CILP2: variants seen among roughly 807,000 people sequenced by gnomAD.
CILP2 encodes the protein CILP-2.
A neutral mutation model predicts 45.6 loss-of-function variants in CILP2; 38 were observed. That is an observed-to-expected ratio of 0.83 (90% CI 0.64 to 1.09). CILP2 has a LOEUF of 1.09. Ranked by LOEUF, CILP2 falls within the 50% of genes least tolerant of loss-of-function variation. CILP2 has a pLI of 0.00. For missense variants in CILP2, 1,735 were observed against 1,662.2 expected, an observed-to-expected ratio of 1.04 and a Z score of -0.76; for synonymous variants, 780 against 723.5, an observed-to-expected ratio of 1.08 and a Z score of -1.25.
chr19:19,540,631 G>A, intron 3 of CILP2, 155 bp downstream of exon 3: 1 of 878,134 alleles, frequency 1.1e-6, no homozygotes, highest in South Asian at 2.4e-5. Context: ...GTAGGACGAC[G>A]TCAGGGGGCG....
In CILP2 at chr19:19,545,116, CGG is replaced by C; in HGVS notation, c.2572_2573del (p.Gly858LeufsTer12). 2 of 1,611,990 alleles carry C rather than the reference CGG, an allele frequency of 1.2e-6. No homozygotes were observed. Among genetic ancestry groups the C allele is most frequent in the South Asian group, 2.2e-5 (2 of 91,014 alleles). ...DHDDPAFKRN[G>X]FRINLAKPRP... ...ACGACGATCCCGCCTTCAAGCGTAACGGCTTCCGCATCAACCTCGCCAAGCCC... is the reference window on the plus strand; with the variant it reads ...ACGACGATCCCGCCTTCAAGCGTAACCTTCCGCATCAACCTCGCCAAGCCC... On this transcript the variant is annotated frameshift_variant, in exon 8 of 8. Coordinates refer to ENST00000291495, the MANE Select transcript of CILP2 (RefSeq NM_153221.2). LOFTEE classifies it low-confidence loss of function (END_TRUNC).
At chr19:19,540,145 A>T in intron 2 of CILP2, 59 bp from the exon 3 acceptor site, 3 of 1,469,936 alleles carry the variant, frequency 2.0e-6, no homozygotes, top group Non-Finnish European at 2.7e-6. Flanking sequence ...AGGCCTTTGC[A>T]CGCATGCATG....
rs759288774 is a variant in CILP2 at position 19,544,395 on chromosome 19, C to T, written c.1850C>T (p.Ser617Leu). ...VTFVDPRDLT[S>L]AASAPSDLRF... is the part of the protein sequence containing the mutation. ...TTCGTGGACCCCCGAGACCTCACCT[C>T]GGCGGCGTCTGCCCCCAGTGACCTG... is the stretch of plus-strand genomic sequence containing the variant. The change falls in exon 8 of 8, where the codon TCG (serine) becomes TTG (leucine). Residue 617 changes from serine to leucine, a missense_variant. Physicochemically the swap from Ser to Leu is moderately radical, Grantham distance 145. Transcript: ENST00000291495. 21 of 1,610,222 alleles carry T rather than the reference C, an allele frequency of 1.3e-5. No homozygotes were observed. In the East Asian group the frequency reaches 4.0e-4, roughly 31 times the overall value.
chr19:19,544,243 G>A lies in CILP2; in HGVS notation c.1698G>A (p.Gln566=). Residue 566 remains glutamine (Q), a synonymous_variant, in exon 8 of 8, where the codon CAG becomes CAA. Coordinates refer to ENST00000291495, the MANE Select transcript of CILP2 (RefSeq NM_153221.2). ...KKAPVILHTS[Q]SNTIPLGELE... ...CCCCGGTCATTTTACATACCAGCCA[G>A]AGCAACACGATCCCCCTGGGCGAGC... The A allele has an allele frequency of 6.2e-7, 1 of 1,613,866 alleles. No homozygotes were observed. The highest frequency in any genetic ancestry group is 1.3e-5 in the African/African-American group (1 of 75,060).
Position 19,538,334 on chromosome 19 carries a change from A to G in CILP2, c.-16A>G, listed in dbSNP as rs1376608897. ...CCGCGGAGCCCGGACCCTCCCTCGG[A>G]CGCTCTGCCCCGGCCATGGCGTCGC... is the stretch of plus-strand genomic sequence containing the variant. On this transcript the variant is annotated 5_prime_UTR_variant, in exon 1 of 8. Transcript: ENST00000291495. 4.4e-6 allele frequency: 7 copies of G among 1,575,088 alleles called. No individual in the cohort carries two copies. Among genetic ancestry groups the G allele is most frequent in the Non-Finnish European group, 5.1e-6 (6 of 1,169,314 alleles).
chr19:19,540,243 C>T lies in CILP2; in HGVS notation c.203C>T (p.Pro68Leu), dbSNP rs757221341. ...EWTSWFNVDHPGGDGDFESLA... is the reference protein window; with the variant it reads ...EWTSWFNVDHLGGDGDFESLA... ...ACGTCCTGGTTCAACGTGGACCACC[C>T]CGGAGGCGACGGCGACTTCGAGAGC... Residue 68 changes from proline (P) to leucine (L), a missense_variant, in exon 3 of 8, where the codon CCC becomes CTC. Physicochemically the swap from Pro to Leu is moderately conservative, Grantham distance 98. Transcript: ENST00000291495. 6.2e-7 allele frequency: 1 copy of T among 1,603,236 alleles called. No homozygotes were observed. The highest frequency in any genetic ancestry group is 8.5e-7 in the Non-Finnish European group (1 of 1,177,532).
Position 19,545,833 on chromosome 19 carries a change from C to A in CILP2, c.3288C>A (p.Ala1096=). The change falls in exon 8 of 8, where the codon GCC becomes GCA. Residue 1096 remains alanine, a synonymous_variant. Coordinates refer to ENST00000291495, the MANE Select transcript of CILP2 (RefSeq NM_153221.2). The part of the protein sequence containing the change: ...DGFSREMKAD[A]GTAVTFQCRE... ...TCTCCAGAGAGATGAAGGCTGATGC[C>A]GGCACAGCCGTCACCTTCCAGTGCC... is the stretch of plus-strand genomic sequence containing the variant. 1 of 1,584,058 alleles carries A rather than the reference C, an allele frequency of 6.3e-7. No homozygotes were observed. The highest frequency in any genetic ancestry group is 8.6e-7 in the Non-Finnish European group (1 of 1,159,776).
Position 19,543,729 on chromosome 19 carries a change from A to T in CILP2, c.1184A>T (p.Lys395Met). The change falls in exon 8 of 8, where the codon AAG (lysine) becomes ATG (methionine). Residue 395 changes from lysine (K) to methionine (M), a missense_variant. Coordinates refer to ENST00000291495, the MANE Select transcript of CILP2 (RefSeq NM_153221.2). ...CCCCGGCCCCGAGAGTACCTGATCA[A>T]GCTCCCTGAGGACTGTGGTCAGCCA... Reference protein sequence around the residue: ...CDPRPREYLIKLPEDCGQPGS... With the variant: ...CDPRPREYLIMLPEDCGQPGS... 6.2e-7 allele frequency: 1 copy of T among 1,609,938 alleles called. No individual in the cohort carries two copies. The highest frequency in any genetic ancestry group is 8.5e-7 in the Non-Finnish European group (1 of 1,177,284).
In CILP2 at chr19:19,545,214, C is replaced by A; in HGVS notation, c.2669C>A (p.Ala890Asp). The change falls in exon 8 of 8, where the codon GCC becomes GAC. Residue 890 changes from alanine (A) to aspartate (D), a missense_variant. Physicochemically the swap from Ala to Asp is moderately radical, Grantham distance 126. Coordinates refer to ENST00000291495, the MANE Select transcript of CILP2 (RefSeq NM_153221.2). ...CGCAGCCTGCGGGAATGCCAGGGGG[C>A]CCCGGTGACTGCCAGCCACTTCCGC... ...PWRSLRECQG[A>D]PVTASHFRFA... 6.2e-7 allele frequency: 1 copy of A among 1,612,302 alleles called. No homozygotes were observed. The highest frequency in any genetic ancestry group is 8.5e-7 in the Non-Finnish European group (1 of 1,179,590).
intron 7 of CILP2, 129 bp downstream of exon 7, chr19:19,543,534 T>G: frequency 7.4e-7 from 1 of 1,360,086 alleles, no homozygotes; most frequent in Non-Finnish European, 1.0e-6. Flanking sequence ...TGAGCCCCCA[T>G]ACCACTCTGA....
At position 19,538,416 on chromosome 19, in the gene CILP2, G is replaced by A. The variant is rs1401120012; in HGVS notation, c.64+3G>A. The A allele has an allele frequency of 9.1e-6, 14 of 1,544,070 alleles. No individual in the cohort carries two copies. The highest frequency in any genetic ancestry group is 2.8e-5 in the African/African-American group (2 of 70,318). On this transcript the variant is annotated splice_donor_region_variant and intron_variant, in intron 1 of 7. Coordinates refer to ENST00000291495, the MANE Select transcript of CILP2 (RefSeq NM_153221.2). ...TGCGCACCTGGCGGGGGCCCGAGGTGAGGCGCCTCCAGCCCCCGCGCCCAG... is the reference window on the plus strand; with the variant it reads ...TGCGCACCTGGCGGGGGCCCGAGGTAAGGCGCCTCCAGCCCCCGCGCCCAG...
intron 2 of CILP2, 157 bp from the exon 3 acceptor site, chr19:19,540,047 C>A: frequency 9.4e-7 from 1 of 1,058,730 alleles, no homozygotes; most frequent in Non-Finnish European, 1.3e-6. Flanking sequence ...CCCAGTCTGC[C>A]CTGCACCTGT....
At position 19,542,356 on chromosome 19, in the gene CILP2, C is replaced by T. The variant is rs1381000232; in HGVS notation, c.593-19C>T. On this transcript the variant is annotated intron_variant, in intron 4 of 7. Coordinates refer to ENST00000291495, the MANE Select transcript of CILP2 (RefSeq NM_153221.2). Reference sequence around the variant, plus strand: ...GTGTGAAGGTTTCTCTGTCCTGCTTCCTCTCCATATCCCCCCAGGGTGCAG... The same window carrying T: ...GTGTGAAGGTTTCTCTGTCCTGCTTTCTCTCCATATCCCCCCAGGGTGCAG... 2 of 1,598,274 alleles carry T rather than the reference C, an allele frequency of 1.3e-6. No individual in the cohort carries two copies. Among genetic ancestry groups the T allele is most frequent in the Admixed American group, 1.7e-5 (1 of 59,064 alleles).
chr19:19,541,106 C>T lies in CILP2; in HGVS notation c.452C>T (p.Ala151Val). 1 of 1,260,566 alleles carries T rather than the reference C, an allele frequency of 7.9e-7. No homozygotes were observed. The highest frequency in any genetic ancestry group is 1.0e-6 in the Non-Finnish European group (1 of 1,002,640). 78.1% of individuals were successfully genotyped at this position (1,260,566 alleles called of 1,614,324 possible). A position where few individuals can be genotyped will look rare whatever the true frequency, so the allele number is the denominator to read the frequency against. The change falls in exon 4 of 8, where the codon GCG becomes GTG. Residue 151 changes from alanine (A) to valine (V), a missense_variant. Physicochemically the swap from Ala to Val is moderately conservative, Grantham distance 64. Transcript: ENST00000291495. ...FRCPLEASWG[A>V]WGPWGPCSGS... is the part of the protein sequence containing the mutation. ...CCTTCCGCAGAAGCCTCGTGGGGCGCGTGGGGCCCGTGGGGTCCCTGCTCG... is the reference window on the plus strand; with the variant it reads ...CCTTCCGCAGAAGCCTCGTGGGGCGTGTGGGGCCCGTGGGGTCCCTGCTCG...
chr19:19,544,373 G>A lies in CILP2; in HGVS notation c.1828G>A (p.Val610Met), dbSNP rs1405578771. The change falls in exon 8 of 8, where the codon GTG (valine) becomes ATG (methionine). Residue 610 changes from valine to methionine, a missense_variant. Coordinates refer to ENST00000291495, the MANE Select transcript of CILP2 (RefSeq NM_153221.2). ...GCCTGTGGAGGCCCGGGTGACGTTCGTGGACCCCCGAGACCTCACCTCGGC... is the reference window on the plus strand; with the variant it reads ...GCCTGTGGAGGCCCGGGTGACGTTCATGGACCCCCGAGACCTCACCTCGGC... ...SGPVEARVTF[V>M]DPRDLTSAAS... 1.9e-6 allele frequency: 3 copies of A among 1,609,696 alleles called. No individual in the cohort carries two copies. Among genetic ancestry groups the A allele is most frequent in the South Asian group, 1.1e-5 (1 of 90,984 alleles).
Position 19,545,147 on chromosome 19 carries a change from C to G in CILP2, c.2602C>G (p.Pro868Ala). The G allele has an allele frequency of 1.2e-6, 2 of 1,612,496 alleles. No homozygotes were observed. The highest frequency in any genetic ancestry group is 1.7e-6 in the Non-Finnish European group (2 of 1,179,808). The change falls in exon 8 of 8, where the codon CCA becomes GCA. Residue 868 changes from proline to alanine, a missense_variant. By Grantham distance (27) the Pro-to-Ala change is conservative. Transcript: ENST00000291495. ...CCGCATCAACCTCGCCAAGCCCAGG[C>G]CAGGTGACCCCGCCGAGGCCAATGG... ...GFRINLAKPR[P>A]GDPAEANGPV...
Position 19,545,660 on chromosome 19 carries a change from C to T in CILP2, c.3115C>T (p.Pro1039Ser). 1 of 1,609,694 alleles carries T rather than the reference C, an allele frequency of 6.2e-7. No individual in the cohort carries two copies. Among genetic ancestry groups the T allele is most frequent in the Non-Finnish European group, 8.5e-7 (1 of 1,178,098 alleles). ...DYLTRHPPPV[P>S]AEDPAAFSML... Reference sequence around the variant, plus strand: ...CCTGACCCGGCACCCCCCACCGGTGCCCGCGGAGGACCCAGCTGCCTTCTC... The same window carrying T: ...CCTGACCCGGCACCCCCCACCGGTGTCCGCGGAGGACCCAGCTGCCTTCTC... Residue 1039 changes from proline to serine, a missense_variant, in exon 8 of 8, where the codon CCC (proline) becomes TCC (serine). Transcript: ENST00000291495.
In CILP2 at chr19:19,540,079, G is replaced by T. The variant is rs908174520; in HGVS notation, c.164-125G>T. ...CTGTTTCAGGCCGCTGGCTCGGGTC[G>T]TGGGCGCGCTCGGCTAGCCGGTGCC... On this transcript the variant is annotated intron_variant, in intron 2 of 7. Transcript: ENST00000291495. The T allele has an allele frequency of 1.8e-5, 23 of 1,310,160 alleles. 1 individual carries two copies. The Middle Eastern group carries it at 7.9e-4, about 45-fold the overall frequency. 81.2% of individuals were successfully genotyped at this position (1,310,160 alleles called of 1,614,324 possible). A position where few individuals can be genotyped will look rare whatever the true frequency, so the allele number is the denominator to read the frequency against.
intron 3 of CILP2, chr19:19,540,692 G>A (rs2061240289): frequency 3.5e-6 from 2 of 574,844 alleles, no homozygotes; most frequent in Non-Finnish European, 2.8e-6. Context: ...ACAGCGCGGG[G>A]CCCAAGTGCA....
Sources: allele counts gnomAD v4.1 joint callset, GRCh38; gene constraint gnomAD v4.1.1; transcripts MANE v1.5; gene names NCBI Gene and HGNC (gene_info 2026-07-23, HGNC 2026-07-21).